Variants in TRPM8 observed in about 807,000 individuals in gnomAD.
The protein encoded by TRPM8 is transient receptor potential cation channel subfamily M member 8, also known as TRPM8 cationic channel.
A neutral mutation model predicts 133.7 loss-of-function variants in TRPM8; 110 were observed. The ratio of observed to expected loss-of-function variants is 0.82; its 90% CI spans 0.70 to 0.96. TRPM8 has a LOEUF of 0.96. TRPM8 is among the 40% of genes least tolerant of loss of function. TRPM8 has a pLI of 0.00. For synonymous variants in TRPM8, 535 were observed against 532.3 expected, an observed-to-expected ratio of 1.01 and a Z score of -0.07; for missense variants, 1,291 against 1,379.5, an observed-to-expected ratio of 0.94 and a Z score of 1.02.
rs765009821 is a variant in TRPM8, at chr2:233,950,081, G to A, written c.1075G>A (p.Val359Met). 6.8e-6 allele frequency: 11 copies of A among 1,613,994 alleles called. No individual in the cohort carries two copies. Among genetic ancestry groups the A allele is most frequent in the Non-Finnish European group, 9.3e-6 (11 of 1,180,052 alleles). ...ATCTTCTGCCGTCAAGGAGAAGCTG[G>A]TGCGCTTTTTACCCCGCACGGTGTC... ...LTSSAVKEKL[V>M]RFLPRTVSRL... is the part of the protein sequence containing the mutation. Residue 359 changes from valine to methionine, a missense_variant, in exon 9 of 26, where the codon GTG becomes ATG. By Grantham distance (21) the Val-to-Met change is conservative (BLOSUM62 1). This residue lies in a region of TRPM8 where 963 missense variants were observed against 968.9 expected (regional missense o/e 0.99). Coordinates refer to ENST00000324695, the MANE Select transcript of TRPM8 (RefSeq NM_024080.5).
intron 5 of TRPM8, 95 bp downstream of exon 5, chr2:233,939,270 TC>T: frequency 7.3e-7 from 1 of 1,374,888 alleles, no homozygotes; most frequent in Non-Finnish European, 1.0e-6. Flanking sequence ...TTCCGGAGAA[TC>T]CGGGTGCTGC....
At chr2:234,005,051 A>C (rs191596750) in intron 22 of TRPM8, among the ~76,000 whole-genome samples, 1 of 152,212 alleles carries the variant, frequency 6.6e-6, no homozygotes, top group African/African-American at 2.4e-5. Flanking sequence ...GCTATGTTAA[A>C]GAGTTCTATG....
At position 233,985,695 on chromosome 2, in the gene TRPM8, G is replaced by A. The variant is rs201464699; in HGVS notation, c.2769G>A (p.Thr923=). The part of the protein sequence containing the change: ...GQVPSDVDGT[T]YDFAHCTFTG... ...TGGTTTCTACATCCTCAGGTACCAC[G>A]TATGACTTTGCCCACTGCACCTTCA... Residue 923 remains threonine, a synonymous_variant, in exon 21 of 26, where the codon ACG becomes ACA. Coordinates refer to ENST00000324695, the MANE Select transcript of TRPM8 (RefSeq NM_024080.5). 9.3e-6 allele frequency: 15 copies of A among 1,613,806 alleles called. No individual in the cohort carries two copies. Among genetic ancestry groups the A allele is most frequent in the African/African-American group, 4.0e-5 (3 of 74,922 alleles).
rs35379195 is a variant in TRPM8, at chr2:234,005,927, T to TACACACACACACACAC, written c.3131-900_3131-885dup. 2.2e-3 allele frequency among the ~76,000 whole-genome samples: 294 copies of TACACACACACACACAC among 136,064 alleles called. 4 individuals carry two copies. The highest frequency in any genetic ancestry group is 6.1e-3 in the African/African-American group (213 of 35,104). The allele number at this position is 136,064 out of a possible 152,430, so 89.3% of individuals were successfully genotyped here. On this transcript the variant is annotated intron_variant, in intron 22 of 25. Transcript: ENST00000324695. ...TGGGTGACAAGAGCGAAACGTCATC[T>TACACACACACACACAC]ACACACACACACACACACACACACA...
intron 24 of TRPM8, among the ~76,000 whole-genome samples, chr2:234,010,850 G>A (rs1360254479): frequency 6.6e-6 from 1 of 152,164 alleles, no homozygotes; most frequent in African/African-American, 2.4e-5. Context: ...AGTTGTATGA[G>A]TTCCCTATGT....
In TRPM8 at chr2:234,018,770, G is replaced by A. The variant is rs1424911582; in HGVS notation, c.*1514G>A. 2 of 151,800 alleles carry A rather than the reference G, an allele frequency of 1.3e-5. No homozygotes were observed. Among genetic ancestry groups the A allele is most frequent in the Non-Finnish European group, 2.9e-5 (2 of 67,996 alleles). 9.4% of individuals were successfully genotyped at this position (151,800 alleles called of 1,614,324 possible). ...TGAGGTACAAGAATTGCTGGAACCTGGGAGGCGGAGGTTGCAGTGAACCAA... is the reference window on the plus strand; with the variant it reads ...TGAGGTACAAGAATTGCTGGAACCTAGGAGGCGGAGGTTGCAGTGAACCAA... On this transcript the variant is annotated 3_prime_UTR_variant, in exon 26 of 26. Coordinates refer to ENST00000324695, the MANE Select transcript of TRPM8 (RefSeq NM_024080.5).
intron 11 of TRPM8, among the ~76,000 whole-genome samples, chr2:233,960,121 T>A (rs1262660397): frequency 1.3e-5 from 2 of 152,156 alleles, no homozygotes; most frequent in African/African-American, 4.8e-5. Flanking sequence ...AATGTAGAGC[T>A]AGAGATAGAC....
intron 24 of TRPM8, among the ~76,000 whole-genome samples, chr2:234,011,412 C>CT (rs1260507577): frequency 6.6e-6 from 1 of 151,786 alleles, no homozygotes; most frequent in Admixed American, 6.6e-5. Context: ...CAGCTTAGTT[C>CT]TTTTTGCTCA....
rs1368694089 is a variant in TRPM8, at chr2:233,926,608, T to C, written c.71T>C (p.Leu24Pro). 1 of 1,614,154 alleles carries C rather than the reference T, an allele frequency of 6.2e-7. No homozygotes were observed. The highest frequency in any genetic ancestry group is 8.5e-7 in the Non-Finnish European group (1 of 1,180,024). Residue 24 changes from leucine to proline, a missense_variant, in exon 2 of 26, where the codon CTG (leucine) becomes CCG (proline). Transcript: ENST00000324695. ...RNDTLDSTRT[L>P]YSSASRSTDL... is the part of the protein sequence containing the mutation. ...GACACTCTGGACAGCACCCGGACCC[T>C]GTACTCCAGCGCGTCTCGGAGCACA...
chr2:234,009,241 G>T (rs554047938), intron 24 of TRPM8, among the ~76,000 whole-genome samples: 2 of 152,314 alleles, frequency 1.3e-5, no homozygotes, highest in African/African-American at 2.4e-5. Flanking sequence ...AGTTAGATGC[G>T]CTGGGAACTC....
chr2:233,927,812 C>CT (rs59278400), intron 2 of TRPM8, among the ~76,000 whole-genome samples: 1 of 62,680 alleles, frequency 1.6e-5, no homozygotes, highest in African/African-American at 1.2e-4. Context: ...TCCTTCCTTC[C>CT]TTCCTTCCTT....
At chr2:233,922,267 A>G (rs546867290) in intron 1 of TRPM8, among the ~76,000 whole-genome samples, 3 of 152,138 alleles carry the variant, frequency 2.0e-5, no homozygotes, top group Non-Finnish European at 4.4e-5. Context: ...TCCCCTTGGC[A>G]TAATCAACCT....
chr2:234,015,649 C>A (rs770801589), intron 25 of TRPM8, among the ~76,000 whole-genome samples: 1 of 152,126 alleles, frequency 6.6e-6, no homozygotes, highest in Non-Finnish European at 1.5e-5. Context: ...TGGGTTCTGA[C>A]AGTTATAGCT....
intron 3 of TRPM8, among the ~76,000 whole-genome samples, chr2:233,937,138 C>G (rs755915578): frequency 1.3e-5 from 2 of 152,026 alleles, no homozygotes; most frequent in Non-Finnish European, 2.9e-5. Flanking sequence ...TCAAGTTATC[C>G]GCCCACCTCA....
chr2:233,964,619 C>T lies in TRPM8; in HGVS notation c.1750-9C>T, dbSNP rs575567462. On this transcript the variant is annotated splice_polypyrimidine_tract_variant and intron_variant, in intron 13 of 25. Transcript: ENST00000324695. ...AATTAACCTTAAAATTCTTCACCCCCCTAAAAAGACCAGGGGCTGCACTCT... is the reference window on the plus strand; with the variant it reads ...AATTAACCTTAAAATTCTTCACCCCTCTAAAAAGACCAGGGGCTGCACTCT... The T allele has an allele frequency of 4.5e-6, 7 of 1,542,136 alleles. No homozygotes were observed. Among genetic ancestry groups the T allele is most frequent in the Non-Finnish European group, 6.1e-6 (7 of 1,144,312 alleles).
At chr2:233,939,311 T>A (rs1352545623) in intron 5 of TRPM8, 136 bp downstream of exon 5, 66 of 962,860 alleles carry the variant, frequency 6.9e-5, no homozygotes, top group Non-Finnish European at 9.4e-5. Context: ...GTTATCTTAT[T>A]GAAAGCCATA....
At position 233,920,876 on chromosome 2, in the gene TRPM8, G is replaced by A. The variant is rs562196093; in HGVS notation, c.-6+3444G>A. On this transcript the variant is annotated intron_variant, in intron 1 of 25. Transcript: ENST00000324695. ...CACCATTTTTTTTTTTTTTTTTTGA[G>A]ATGGAGTTTAGTTCTTGTTGCCCAG... Among the ~76,000 whole-genome samples, 3 of 134,994 alleles carry A rather than the reference G, an allele frequency of 2.2e-5. No homozygotes were observed. In the South Asian group the frequency reaches 7.0e-4, roughly 32 times the overall value. 88.6% of individuals were successfully genotyped at this position (134,994 alleles called of 152,430 possible).
chr2:233,920,567 T>A (rs1691387373), intron 1 of TRPM8, among the ~76,000 whole-genome samples: 1 of 152,234 alleles, frequency 6.6e-6, no homozygotes, highest in Non-Finnish European at 1.5e-5. Flanking sequence ...ATTCAGGACA[T>A]TCTAAGAAAT....
chr2:233,975,341 G>C (rs28902195), intron 17 of TRPM8, among the ~76,000 whole-genome samples: 3,113 of 152,306 alleles, frequency 0.02, 109 homozygotes, highest in African/African-American at 0.071. Flanking sequence ...GCGCTGGGGA[G>C]CTGGAGAGGA....
Sources: allele counts gnomAD v4.1 joint callset (sites outside exome capture counted in the v4.1 genomes callset), GRCh38; gene constraint gnomAD v4.1.1; regional missense constraint gnomAD v4.1.1; transcripts MANE v1.5; gene names NCBI Gene and HGNC (gene_info 2026-07-23, HGNC 2026-07-21).